Variants in KIAA1549L observed in about 807,000 individuals in gnomAD.
The protein encoded by KIAA1549L is KIAA1549 like.
In KIAA1549L, 88 loss-of-function variants were observed where a neutral mutation model predicts 160.7. The observed-to-expected ratio is 0.55, with a 90% CI of 0.46 to 0.65. The LOEUF (loss-of-function observed/expected upper bound fraction) is 0.65. Among genes scored for constraint, KIAA1549L ranks in the 30% least tolerant of loss-of-function variants. KIAA1549L has a pLI of 0.00. For missense variants in KIAA1549L, 2,258 were observed against 2,437.5 expected (o/e 0.93, Z 1.55); for synonymous variants, 950 against 976.7 (o/e 0.97, Z 0.51).
Position 33,609,762 on chromosome 11 carries a change from T to C in KIAA1549L, c.5075T>C (p.Leu1692Pro). 6.2e-7 allele frequency: 1 copy of C among 1,607,728 alleles called. No individual in the cohort carries two copies. Among genetic ancestry groups the C allele is most frequent in the Non-Finnish European group, 8.5e-7 (1 of 1,177,184 alleles). ...CTCTCTCCCCAGGTGAACAAAGCCC[T>C]GAAGCAGAAGTCAGACATCGAGCAC... The part of the protein sequence containing the change: ...AVLNGEVNKA[L>P]KQKSDIEHYR... The change falls in exon 15 of 21, where the codon CTG becomes CCG. Residue 1692 changes from leucine (L) to proline (P), a missense_variant. Transcript: ENST00000658780.
chr11:33,666,817 G>A (rs114874586), intron 20 of KIAA1549L, among the ~76,000 whole-genome samples: 2,607 of 152,338 alleles, frequency 0.017, 77 homozygotes, highest in African/African-American at 0.059. Context: ...TCTGCAAAGA[G>A]TGTCTTGGTA....
chr11:33,650,644 G>A (rs1002067451), intron 17 of KIAA1549L, among the ~76,000 whole-genome samples: 3 of 152,050 alleles, frequency 2.0e-5, no homozygotes, highest in Admixed American at 6.5e-5. Flanking sequence ...TACTCAACAC[G>A]CCGTCACCAG....
At chr11:33,437,769 C>T (rs1851410359) in intron 1 of KIAA1549L, among the ~76,000 whole-genome samples, 1 of 152,196 alleles carries the variant, frequency 6.6e-6, no homozygotes, top group Non-Finnish European at 1.5e-5. Context: ...TTTATAGTGA[C>T]CTGACCTGAC....
At position 33,638,430 on chromosome 11, in the gene KIAA1549L, A is replaced by T. The variant is rs1373157379; in HGVS notation, c.5410-7256A>T. ...TTATTCTCTAAAATAAATAAAAAAA[A>T]AAAAAATAAATAAATAAATAAATAA... On this transcript the variant is annotated intron_variant, in intron 16 of 20. Coordinates refer to ENST00000658780, the MANE Select transcript of KIAA1549L (RefSeq NM_012194.3). Among the ~76,000 whole-genome samples the T allele has an allele frequency of 1.6e-4, 3 of 18,442 alleles. No individual in the cohort carries two copies. The African/African-American group carries it at 2.2e-3, about 13-fold the overall frequency. The allele number at this position is 18,442 out of a possible 152,430, so 12.1% of individuals were successfully genotyped here. A position where few individuals can be genotyped will look rare whatever the true frequency, so the allele number is the denominator to read the frequency against.
chr11:33,501,164 A>G (rs1852939746), intron 1 of KIAA1549L, among the ~76,000 whole-genome samples: 1 of 152,224 alleles, frequency 6.6e-6, no homozygotes, highest in Non-Finnish European at 1.5e-5. Context: ...AGCTATTGGA[A>G]AGGCCTATTT....
At chr11:33,599,522 A>G (rs1850299291) in intron 13 of KIAA1549L, 1 of 152,174 alleles carries the variant, frequency 6.6e-6, no homozygotes, top group African/African-American at 2.4e-5. Flanking sequence ...AAGAAAAGAA[A>G]AAAAAAGTTA....
intron 1 of KIAA1549L, among the ~76,000 whole-genome samples, chr11:33,442,721 T>G (rs78852310): frequency 0.044 from 6,762 of 152,290 alleles, 212 homozygotes; most frequent in East Asian, 0.16. Context: ...TACTTAAAAA[T>G]TGTTAGTCCT....
chr11:33,417,914 A>T (rs1012130914), intron 1 of KIAA1549L, among the ~76,000 whole-genome samples: 5 of 152,134 alleles, frequency 3.3e-5, no homozygotes, highest in African/African-American at 1.2e-4. Flanking sequence ...AGTAGCTGGT[A>T]TTACAGGTGC....
intron 1 of KIAA1549L, among the ~76,000 whole-genome samples, chr11:33,541,365 A>C (rs1478282665): frequency 6.6e-6 from 1 of 152,214 alleles, no homozygotes; most frequent in African/African-American, 2.4e-5. Context: ...AATATTTCAT[A>C]TGAGATGCCT....
intron 1 of KIAA1549L, among the ~76,000 whole-genome samples, chr11:33,527,041 A>C (rs10836070): frequency 0.26 from 39,132 of 152,114 alleles, 5,221 homozygotes; most frequent in East Asian, 0.34. Context: ...AGAATCAAGC[A>C]AGTAGAAGAA....
At chr11:33,598,679 C>T in intron 12 of KIAA1549L, 141 bp from the exon 13 acceptor site, 4 of 1,066,302 alleles carry the variant, frequency 3.8e-6, no homozygotes, top group Non-Finnish European at 4.0e-6. Flanking sequence ...TTGTTTTTTT[C>T]TTTTTCTGTA....
chr11:33,635,032 A>AT (rs1256420667), intron 16 of KIAA1549L, among the ~76,000 whole-genome samples: 1 of 152,126 alleles, frequency 6.6e-6, no homozygotes, highest in Non-Finnish European at 1.5e-5. Context: ...AGGGGAACCA[A>AT]TCTCACTTTA....
At chr11:33,641,572 G>GTATATATATATATA (rs10523183) in intron 16 of KIAA1549L, among the ~76,000 whole-genome samples, 1 of 96,718 alleles carries the variant, frequency 1.0e-5, no homozygotes, top group Non-Finnish European at 2.4e-5. Flanking sequence ...TAATGGATCT[G>GTATATATATATATA]TATATATATA....
At chr11:33,488,915 C>T (rs752622452) in intron 1 of KIAA1549L, among the ~76,000 whole-genome samples, 15 of 152,186 alleles carry the variant, frequency 9.9e-5, no homozygotes, top group Non-Finnish European at 1.9e-4. Flanking sequence ...GTCCTGACTT[C>T]AGAATATAGT....
At chr11:33,587,152 A>G (rs564457513) in intron 11 of KIAA1549L, among the ~76,000 whole-genome samples, 2 of 152,364 alleles carry the variant, frequency 1.3e-5, no homozygotes, top group East Asian at 3.9e-4. Context: ...TATAATAAAT[A>G]CTACCTATAA....
intron 1 of KIAA1549L, among the ~76,000 whole-genome samples, chr11:33,445,667 G>A (rs767521593): frequency 6.6e-5 from 10 of 152,160 alleles, no homozygotes; most frequent in South Asian, 2.1e-4. Context: ...TGTTACTTGC[G>A]GTGTGACCTT....
At chr11:33,459,495 G>A (rs979104215) in intron 1 of KIAA1549L, among the ~76,000 whole-genome samples, 2 of 152,134 alleles carry the variant, frequency 1.3e-5, no homozygotes, top group African/African-American at 4.8e-5. Flanking sequence ...AGCCCAGGAG[G>A]GTTGTTTGGT....
chr11:33,628,356 C>T (rs1230957983), intron 16 of KIAA1549L, among the ~76,000 whole-genome samples: 12 of 151,644 alleles, frequency 7.9e-5, no homozygotes, highest in South Asian at 2.1e-4. Flanking sequence ...CTTTCTGTCT[C>T]GTTGATCTGT....
intron 1 of KIAA1549L, among the ~76,000 whole-genome samples, chr11:33,472,657 G>T (rs910641078): frequency 2.0e-5 from 3 of 152,148 alleles, no homozygotes; most frequent in Admixed American, 2.0e-4. Context: ...AAGGATCTCA[G>T]ACTGGAGAAG....
Sources: gnomAD v4.1 joint callset for allele counts (sites outside exome capture counted in the v4.1 genomes callset) on GRCh38, gnomAD v4.1.1 for gene constraint, MANE v1.5 for transcripts, NCBI Gene and HGNC (gene_info 2026-07-23, HGNC 2026-07-21) for gene names.